Variants in PDE4D observed in about 807,000 individuals in gnomAD.
PDE4D encodes 3',5'-cyclic-AMP phosphodiesterase 4D.
A neutral mutation model predicts 87.4 loss-of-function variants in PDE4D; 24 were observed. That is an observed-to-expected ratio of 0.27 (90% CI 0.20 to 0.39). PDE4D has a LOEUF of 0.39. PDE4D is among the 10% of genes least tolerant of loss of function. The pLI, the probability that PDE4D is intolerant of heterozygous loss-of-function variation, is 1.00. For synonymous variants in PDE4D, 384 were observed against 383.2 expected, an observed-to-expected ratio of 1.00 and a Z score of -0.02; for missense variants, 714 against 1,041.0, an observed-to-expected ratio of 0.69 and a Z score of 4.32.
intron 3 of PDE4D, among the ~76,000 whole-genome samples, chr5:59,924,493 T>A (rs1755027372): frequency 7.3e-6 from 1 of 136,180 alleles, no homozygotes; most frequent in African/African-American, 2.8e-5. Context: ...CAGGAGAAAA[T>A]AAACAAATAA....
intron 11 of PDE4D, among the ~76,000 whole-genome samples, chr5:58,983,197 G>C (rs186329823): frequency 1.3e-4 from 20 of 152,332 alleles, no homozygotes; most frequent in Admixed American, 1.2e-3. Flanking sequence ...GTATACTTCC[G>C]GTGGTACCTG....
At chr5:59,632,999 G>A (rs948330917) in intron 1 of PDE4D, among the ~76,000 whole-genome samples, 3 of 152,282 alleles carry the variant, frequency 2.0e-5, no homozygotes, top group African/African-American at 7.2e-5. Context: ...TAAAAGGTTA[G>A]TGGAATAGCT....
At chr5:59,056,165 A>G (rs910385000) in intron 5 of PDE4D, among the ~76,000 whole-genome samples, 12 of 152,142 alleles carry the variant, frequency 7.9e-5, no homozygotes, top group African/African-American at 1.2e-4. Context: ...TGTGAACCAC[A>G]GAAGGAGTGG....
intron 1 of PDE4D, among the ~76,000 whole-genome samples, chr5:59,725,374 A>G (rs556908207): frequency 1.3e-5 from 2 of 152,232 alleles, no homozygotes; most frequent in Admixed American, 1.3e-4. Context: ...TACACCCAAG[A>G]TATAAACACA....
chr5:59,110,024 A>G (rs999645500), intron 5 of PDE4D, among the ~76,000 whole-genome samples: 1 of 152,142 alleles, frequency 6.6e-6, no homozygotes, highest in African/African-American at 2.4e-5. Context: ...GCTCACATGC[A>G]TGTCCTAGGC....
intron 3 of PDE4D, among the ~76,000 whole-genome samples, chr5:59,914,550 G>A (rs1250065688): frequency 6.7e-6 from 1 of 148,496 alleles, no homozygotes; most frequent in African/African-American, 2.6e-5. Context: ...GTGTGTGTGT[G>A]TGTGTGTGTG....
At chr5:60,515,497 C>T (rs79433168) in intron 1 of PDE4D, among the ~76,000 whole-genome samples, 2,514 of 151,106 alleles carry the variant, frequency 0.017, 28 homozygotes, top group Middle Eastern at 0.034. Context: ...TTTGGACAAT[C>T]GAAAAAGAAT....
intron 2 of PDE4D, among the ~76,000 whole-genome samples, chr5:60,061,529 G>A (rs546361935): frequency 1.1e-4 from 17 of 152,190 alleles, no homozygotes; most frequent in African/African-American, 3.4e-4. Context: ...TAGATTAAGT[G>A]CTATTCTCAT....
At chr5:60,299,390 G>GT (rs1411807105) in intron 1 of PDE4D, among the ~76,000 whole-genome samples, 1 of 152,112 alleles carries the variant, frequency 6.6e-6, no homozygotes, top group African/African-American at 2.4e-5. Flanking sequence ...TCCTTCTTTT[G>GT]TTTTTTCCTT....
At chr5:59,760,394 T>G (rs796607572) in intron 1 of PDE4D, among the ~76,000 whole-genome samples, 94 of 152,338 alleles carry the variant, frequency 6.2e-4, no homozygotes, top group African/African-American at 2.2e-3. Flanking sequence ...CTTCTTCTAC[T>G]GTTGGATATG....
chr5:59,613,295 C>G (rs1343430530), intron 1 of PDE4D, among the ~76,000 whole-genome samples: 1 of 152,160 alleles, frequency 6.6e-6, no homozygotes, highest in Non-Finnish European at 1.5e-5. Flanking sequence ...CCAGGAGGAG[C>G]AAGTTTGCTG....
intron 1 of PDE4D, among the ~76,000 whole-genome samples, chr5:60,513,318 G>T (rs1449548294): frequency 6.6e-6 from 1 of 152,066 alleles, no homozygotes; most frequent in Non-Finnish European, 1.5e-5. Context: ...ACCATACAAA[G>T]TAGATTTTAA....
chr5:59,487,288 T>A (rs1487443068), intron 1 of PDE4D, among the ~76,000 whole-genome samples: 2 of 152,190 alleles, frequency 1.3e-5, no homozygotes, highest in African/African-American at 4.8e-5. Flanking sequence ...AAACTTCTAC[T>A]GGGAGTGAAA....
At chr5:60,065,411 T>C (rs1202431989) in intron 2 of PDE4D, among the ~76,000 whole-genome samples, 7 of 152,068 alleles carry the variant, frequency 4.6e-5, no homozygotes, top group South Asian at 2.1e-4. Context: ...GTAGGTTACA[T>C]GACCTTAAAC....
intron 6 of PDE4D, among the ~76,000 whole-genome samples, chr5:59,010,751 C>T (rs1379408079): frequency 6.6e-6 from 1 of 152,042 alleles, no homozygotes; most frequent in East Asian, 1.9e-4. Context: ...ATGCAGAAGA[C>T]GGGTGATTTC....
chr5:59,027,446 C>T (rs1469367407), intron 6 of PDE4D, among the ~76,000 whole-genome samples: 2 of 152,110 alleles, frequency 1.3e-5, no homozygotes, highest in African/African-American at 4.8e-5. Flanking sequence ...TATGTTCTCC[C>T]TCCTTGAGAG....
chr5:59,268,126 T>C (rs1561847886), intron 1 of PDE4D, among the ~76,000 whole-genome samples: 1 of 152,096 alleles, frequency 6.6e-6, no homozygotes, highest in Non-Finnish European at 1.5e-5. Flanking sequence ...TATTCCCTTG[T>C]GTTTTTCTAA....
At position 59,539,147 on chromosome 5, in the gene PDE4D, T is replaced by C. The variant is rs147689148; in HGVS notation, c.456-323179A>G. 2.6e-3 allele frequency among the ~76,000 whole-genome samples: 403 copies of C among 152,332 alleles called. 2 individuals carry two copies. The highest frequency in any genetic ancestry group is 8.9e-3 in the African/African-American group (370 of 41,580). ...CCTCTGGCTTCACAAGAATCACATA[T>C]GTGAGTATCTTGCTCACTGTACAAC... On this transcript the variant is annotated intron_variant, in intron 1 of 14. Coordinates refer to ENST00000340635, the MANE Select transcript of PDE4D (RefSeq NM_001104631.2).
At chr5:59,873,850 A>G (rs1748167057) in intron 1 of PDE4D, among the ~76,000 whole-genome samples, 1 of 152,188 alleles carries the variant, frequency 6.6e-6, no homozygotes, top group Non-Finnish European at 1.5e-5. Context: ...AGTTGTTGAA[A>G]TTTTGAAAAA....
Sources: allele counts gnomAD v4.1 joint callset (sites outside exome capture counted in the v4.1 genomes callset), GRCh38; gene constraint gnomAD v4.1.1; transcripts MANE v1.5; gene names NCBI Gene and HGNC (gene_info 2026-07-23, HGNC 2026-07-21).